The following AGMO variants were observed in gnomAD, a reference collection of about 807,000 sequenced individuals.
AGMO encodes alkylglycerol monooxygenase, also known as glyceryl-ether monooxygenase.
Under a neutral mutation model 60.2 loss-of-function variants are expected in AGMO, and 75 were observed. The ratio of observed to expected loss-of-function variants is 1.25; its 90% CI spans 1.03 to 1.51. AGMO has a LOEUF of 1.51. Ranked by LOEUF, AGMO falls within the 40% of genes most tolerant of loss-of-function variation. AGMO has a pLI of 0.00. For synonymous variants in AGMO, 261 were observed against 177.1 expected (o/e 1.47, Z -3.76); for missense variants, 763 against 525.5 (o/e 1.45, Z -4.42).
intron 3 of AGMO, among the ~76,000 whole-genome samples, chr7:15,531,535 C>CTATATATATAT (rs1784356529): frequency 6.3e-5 from 1 of 15,772 alleles, no homozygotes; most frequent in Non-Finnish European, 1.1e-4. Context: ...TATATATATT[C>CTATATATATAT]TCTATATATA....
chr7:15,218,170 C>T (rs1781802888), intron 12 of AGMO, among the ~76,000 whole-genome samples: 1 of 151,802 alleles, frequency 6.6e-6, no homozygotes, highest in Non-Finnish European at 1.5e-5. Context: ...GGAGAAATTT[C>T]AAGAACAAAT....
chr7:15,155,728 G>A, the AGMO span, among the ~76,000 whole-genome samples: 7 of 152,062 alleles, frequency 4.6e-5, no homozygotes, highest in East Asian at 9.7e-4. Context: ...AGTTGCCAGA[G>A]TTCTTGCACT....
At chr7:15,555,292 T>TATATATACAC (rs1213509604) in intron 2 of AGMO, among the ~76,000 whole-genome samples, 1 of 95,878 alleles carries the variant, frequency 1.0e-5, no homozygotes, top group Non-Finnish European at 2.0e-5. Context: ...TATATATATA[T>TATATATACAC]ACACACACAC....
chr7:15,483,920 T>G (rs1782839958), intron 3 of AGMO, among the ~76,000 whole-genome samples: 1 of 152,178 alleles, frequency 6.6e-6, no homozygotes, highest in Admixed American at 6.5e-5. Flanking sequence ...TATCCATACT[T>G]ATTAAAATGC....
the AGMO span, among the ~76,000 whole-genome samples, chr7:15,135,979 CTTTT>C: frequency 1.9e-5 from 2 of 106,860 alleles, no homozygotes; most frequent in Admixed American, 1.2e-4. Flanking sequence ...TTTTTCTTTT[CTTTT>C]TTTTTTTTTT....
chr7:15,359,956 A>C (rs1266105124), intron 12 of AGMO, among the ~76,000 whole-genome samples: 2 of 152,228 alleles, frequency 1.3e-5, no homozygotes, highest in African/African-American at 2.4e-5. Flanking sequence ...CCTTACTAAG[A>C]ATCATCACAT....
intron 12 of AGMO, among the ~76,000 whole-genome samples, chr7:15,323,735 G>T (rs1781253266): frequency 6.6e-6 from 1 of 152,202 alleles, no homozygotes; most frequent in Admixed American, 6.6e-5. Context: ...CTGGGCTTCA[G>T]AGCAGCTTTG....
rs535101473 is a variant in AGMO at position 15,253,376 on chromosome 7, ATCAG to A, written c.1264-52021_1264-52018del. On this transcript the variant is annotated intron_variant, in intron 12 of 12. Coordinates refer to ENST00000342526, the MANE Select transcript of AGMO (RefSeq NM_001004320.2). ...TCCCAACTAAACAGGGAGTAAGACT[ATCAG>A]CTAAAAATGAAGATGAAGGGAGGCT... 6.3e-3 allele frequency among the ~76,000 whole-genome samples: 966 copies of A among 152,288 alleles called. 6 individuals are homozygous for A. Among genetic ancestry groups the A allele is most frequent in the African/African-American group, 0.022 (899 of 41,558 alleles).
At chr7:15,336,592 T>C (rs141929023) in intron 12 of AGMO, among the ~76,000 whole-genome samples, 105 of 152,264 alleles carry the variant, frequency 6.9e-4, no homozygotes, top group African/African-American at 2.4e-3. Context: ...TCAATTGTCA[T>C]TTAAATGTGT....
chr7:15,195,830 A>G (rs1781103543), downstream of AGMO, among the ~76,000 whole-genome samples: 1 of 152,196 alleles, frequency 6.6e-6, no homozygotes, highest in African/African-American at 2.4e-5. Flanking sequence ...TAACTCCTGT[A>G]TCATTACCAT....
intron 12 of AGMO, among the ~76,000 whole-genome samples, chr7:15,333,846 T>C (rs1288314912): frequency 6.6e-6 from 1 of 152,086 alleles, no homozygotes; most frequent in East Asian, 1.9e-4. Context: ...GTGGTCATTT[T>C]CTTTCATAGT....
the AGMO span, among the ~76,000 whole-genome samples, chr7:15,170,023 C>T: frequency 2.0e-5 from 3 of 152,214 alleles, no homozygotes; most frequent in East Asian, 1.9e-4. Flanking sequence ...GGGATGGGTA[C>T]AGTTACCTGA....
chr7:15,339,728 T>TA (rs527716171), intron 12 of AGMO, among the ~76,000 whole-genome samples: 5 of 152,288 alleles, frequency 3.3e-5, no homozygotes, highest in East Asian at 3.9e-4. Flanking sequence ...CCTTTATCCT[T>TA]AAAGAAAATA....
intron 10 of AGMO, among the ~76,000 whole-genome samples, chr7:15,375,911 TA>T: frequency 6.6e-6 from 1 of 152,104 alleles, no homozygotes; most frequent in Non-Finnish European, 1.5e-5. Flanking sequence ...AGAAAACACT[TA>T]TAGTGATATG....
the AGMO span, among the ~76,000 whole-genome samples, chr7:15,175,601 A>T: frequency 6.7e-6 from 1 of 148,516 alleles, no homozygotes; most frequent in South Asian, 2.2e-4. Context: ...ACATCTCTCA[A>T]TGATAATTCA....
At chr7:15,426,438 CCAAA>C (rs980248997) in intron 4 of AGMO, among the ~76,000 whole-genome samples, 3 of 152,016 alleles carry the variant, frequency 2.0e-5, no homozygotes, top group African/African-American at 4.8e-5. Flanking sequence ...AACCAACCAA[CCAAA>C]CAAACAAACA....
chr7:15,394,971 A>G (rs910479983), intron 5 of AGMO, among the ~76,000 whole-genome samples: 1 of 152,212 alleles, frequency 6.6e-6, no homozygotes, highest in African/African-American at 2.4e-5. Context: ...TAAATTCTAA[A>G]AATCATAGAA....
chr7:15,485,484 G>A (rs1409900806), intron 3 of AGMO, among the ~76,000 whole-genome samples: 1 of 152,166 alleles, frequency 6.6e-6, no homozygotes, highest in African/African-American at 2.4e-5. Flanking sequence ...GCTTTTAGCA[G>A]ACTTAATCAA....
At chr7:15,320,897 A>G (rs1563085191) in intron 12 of AGMO, among the ~76,000 whole-genome samples, 1 of 152,216 alleles carries the variant, frequency 6.6e-6, no homozygotes, top group East Asian at 1.9e-4. Context: ...TTTTAAAACA[A>G]TAAAGTTTAA....
Sources: gnomAD v4.1 joint callset for allele counts (sites outside exome capture counted in the v4.1 genomes callset) on GRCh38, gnomAD v4.1.1 for gene constraint, MANE v1.5 for transcripts, NCBI Gene and HGNC (gene_info 2026-07-23, HGNC 2026-07-21) for gene names.